The following MAP4K4 variants were observed in gnomAD, a reference collection of about 807,000 sequenced individuals.
The protein encoded by MAP4K4 is mitogen-activated protein kinase kinase kinase kinase 4.
A neutral mutation model predicts 189.6 loss-of-function variants in MAP4K4; 38 were observed. The ratio of observed to expected loss-of-function variants is 0.20; its 90% CI spans 0.15 to 0.26. The LOEUF is 0.26. Among genes scored for constraint, MAP4K4 ranks in the 10% least tolerant of loss-of-function variants. The probability of loss-of-function intolerance (pLI) is 1.00; values close to 1 mark genes in which losing one functional copy is unlikely to be tolerated. For synonymous variants in MAP4K4, 610 were observed against 624.3 expected (o/e 0.98, Z 0.34); for missense variants, 1,054 against 1,726.9 (o/e 0.61, Z 6.91).
chr2:101,728,609 C>T (rs1183993512), intron 2 of MAP4K4, among the ~76,000 whole-genome samples: 1 of 152,164 alleles, frequency 6.6e-6, no homozygotes, highest in African/African-American at 2.4e-5. Context: ...AACTCTGCCT[C>T]ACAGGTTCGA....
At chr2:101,853,555 A>T (rs1339554548) in intron 12 of MAP4K4, among the ~76,000 whole-genome samples, 1 of 152,174 alleles carries the variant, frequency 6.6e-6, no homozygotes, top group Non-Finnish European at 1.5e-5. Context: ...TATTTAATAG[A>T]TGCTCTAGGA....
chr2:101,835,405 A>AT (rs1447321559), intron 8 of MAP4K4, among the ~76,000 whole-genome samples: 1 of 152,202 alleles, frequency 6.6e-6, no homozygotes, highest in African/African-American at 2.4e-5. Context: ...ACAAAGAGTA[A>AT]TTGCACAGAA....
chr2:101,806,733 G>A (rs1033549101), intron 3 of MAP4K4, among the ~76,000 whole-genome samples: 4 of 152,202 alleles, frequency 2.6e-5, no homozygotes, highest in Admixed American at 2.0e-4. Context: ...ACTCACTGAA[G>A]ATGCTGGATT....
intron 27 of MAP4K4, among the ~76,000 whole-genome samples, chr2:101,881,457 T>C (rs1047001045): frequency 6.6e-6 from 1 of 152,232 alleles, no homozygotes; most frequent in East Asian, 1.9e-4. Flanking sequence ...TAGACAGTCA[T>C]GTCTTCTGTG....
chr2:101,708,581 T>G (rs1299498160), intron 2 of MAP4K4, among the ~76,000 whole-genome samples: 1 of 152,216 alleles, frequency 6.6e-6, no homozygotes, highest in African/African-American at 2.4e-5. Flanking sequence ...TAGAGGAGTT[T>G]GTTCAGCAGT....
At chr2:101,829,462 A>T in intron 5 of MAP4K4, 42 bp from the exon 6 acceptor site, 1 of 1,342,040 alleles carries the variant, frequency 7.5e-7, no homozygotes, top group Non-Finnish European at 1.1e-6. Context: ...GTTTACTTAT[A>T]GTCACAGAAA....
At chr2:101,790,392 T>C (rs1036710011) in intron 2 of MAP4K4, among the ~76,000 whole-genome samples, 2 of 151,596 alleles carry the variant, frequency 1.3e-5, no homozygotes, top group African/African-American at 2.4e-5. Flanking sequence ...GTGTAAAATA[T>C]AGGAAAATAT....
intron 3 of MAP4K4, among the ~76,000 whole-genome samples, chr2:101,819,519 A>G (rs573898591): frequency 2.4e-4 from 36 of 152,302 alleles, no homozygotes; most frequent in African/African-American, 3.1e-4. Flanking sequence ...ATAGTCGTCT[A>G]TTTTAAAATC....
chr2:101,872,568 A>T (rs539094768), intron 24 of MAP4K4, among the ~76,000 whole-genome samples: 2 of 152,094 alleles, frequency 1.3e-5, no homozygotes, highest in East Asian at 3.9e-4. Context: ...CAGTTGAGGG[A>T]GGTTAGAAAG....
At chr2:101,824,180 C>A in intron 4 of MAP4K4, 127 bp downstream of exon 4, 2 of 1,005,690 alleles carry the variant, frequency 2.0e-6, no homozygotes, top group Non-Finnish European at 2.8e-6. Flanking sequence ...AAGTAGCTGG[C>A]AGGTTCTAAA....
intron 12 of MAP4K4, among the ~76,000 whole-genome samples, chr2:101,850,095 T>G (rs2097234694): frequency 6.6e-6 from 1 of 152,200 alleles, no homozygotes; most frequent in Non-Finnish European, 1.5e-5. Context: ...TTTTGGAAAG[T>G]CTGCTTCCTC....
chr2:101,860,688 C>T (rs1384329300), intron 15 of MAP4K4, 137 bp from the exon 16 acceptor site: 9 of 677,306 alleles, frequency 1.3e-5, no homozygotes, highest in Non-Finnish European at 2.2e-5. Flanking sequence ...TTCTTTTTTC[C>T]AGCTACCCCT....
At chr2:101,766,611 A>ATTTTTTT (rs11393348) in intron 2 of MAP4K4, among the ~76,000 whole-genome samples, 1 of 145,294 alleles carries the variant, frequency 6.9e-6, no homozygotes, top group African/African-American at 2.5e-5. Flanking sequence ...TTTTGTCTTG[A>ATTTTTTT]TTTTTTTTTT....
chr2:101,737,279 CA>C (rs2060599607), intron 2 of MAP4K4, among the ~76,000 whole-genome samples: 1 of 151,618 alleles, frequency 6.6e-6, no homozygotes, highest in Non-Finnish European at 1.5e-5. Flanking sequence ...GCAGCTCTAA[CA>C]AGCTGCCACC....
At chr2:101,776,459 T>C (rs2084171285) in intron 2 of MAP4K4, among the ~76,000 whole-genome samples, 1 of 152,046 alleles carries the variant, frequency 6.6e-6, no homozygotes, top group South Asian at 2.1e-4. Context: ...GTCTAGAGGC[T>C]CAGCTTTAAC....
chr2:101,818,391 G>A (rs1292847839), intron 3 of MAP4K4, among the ~76,000 whole-genome samples: 1 of 151,966 alleles, frequency 6.6e-6, no homozygotes, highest in African/African-American at 2.4e-5. Context: ...TCCAGCTGTC[G>A]CCGAGTCTCC....
At chr2:101,817,773 A>G (rs1014725670) in intron 3 of MAP4K4, among the ~76,000 whole-genome samples, 4 of 152,230 alleles carry the variant, frequency 2.6e-5, no homozygotes, top group African/African-American at 9.6e-5. Flanking sequence ...GCAGAACTAG[A>G]AAGAGGATGC....
chr2:101,779,190 G>T (rs2085961042), intron 2 of MAP4K4, among the ~76,000 whole-genome samples: 1 of 152,090 alleles, frequency 6.6e-6, no homozygotes, highest in Non-Finnish European at 1.5e-5. Flanking sequence ...GAGGAGGTTT[G>T]TTTATTGATA....
intron 2 of MAP4K4, among the ~76,000 whole-genome samples, chr2:101,750,044 A>G (rs1261132183): frequency 1.3e-5 from 2 of 149,068 alleles, no homozygotes; most frequent in Non-Finnish European, 3.0e-5. Context: ...AAATAGGAAC[A>G]CTTTTACACT....
Sources: allele counts gnomAD v4.1 joint callset (sites outside exome capture counted in the v4.1 genomes callset), GRCh38; gene constraint gnomAD v4.1.1; transcripts MANE v1.5; gene names NCBI Gene and HGNC (gene_info 2026-07-23, HGNC 2026-07-21).